Variants in MYO16 observed in about 807,000 individuals in gnomAD.
MYO16 encodes the protein myosin XVI, also known as unconventional myosin-XVI.
Under a neutral mutation model 205.3 loss-of-function variants are expected in MYO16, and 94 were observed. The ratio of observed to expected loss-of-function variants is 0.46; its 90% CI spans 0.39 to 0.54. MYO16 has a LOEUF of 0.54. Ranked by LOEUF, MYO16 falls within the 20% of genes least tolerant of loss-of-function variation. MYO16 has a pLI of 0.00. For synonymous variants in MYO16, 988 were observed against 954.0 expected (o/e 1.04, Z -0.66); for missense variants, 2,315 against 2,387.5 (o/e 0.97, Z 0.63).
At chr13:109,067,489 C>T (rs1244559201) in intron 27 of MYO16, among the ~76,000 whole-genome samples, 1 of 152,156 alleles carries the variant, frequency 6.6e-6, no homozygotes, top group Non-Finnish European at 1.5e-5. Flanking sequence ...GAGATTTGTA[C>T]TGATATTGGC....
the MYO16 span, among the ~76,000 whole-genome samples, chr13:108,589,300 C>A: frequency 6.6e-6 from 1 of 152,096 alleles, no homozygotes; most frequent in African/African-American, 2.4e-5. Context: ...TCATTGTTAA[C>A]CTGATTGCTG....
At chr13:109,084,436 T>A (rs1888376317) in intron 27 of MYO16, among the ~76,000 whole-genome samples, 1 of 152,108 alleles carries the variant, frequency 6.6e-6, no homozygotes, top group African/African-American at 2.4e-5. Flanking sequence ...TTTAATATAA[T>A]TAGAAATGAA....
At chr13:108,990,042 C>T (rs1381566339) in intron 20 of MYO16, among the ~76,000 whole-genome samples, 1 of 151,852 alleles carries the variant, frequency 6.6e-6, no homozygotes, top group African/African-American at 2.4e-5. Flanking sequence ...AGTTAACCAA[C>T]CCAAAAGTAT....
intron 2 of MYO16, among the ~76,000 whole-genome samples, chr13:108,699,167 TA>T (rs1476482567): frequency 2.6e-5 from 3 of 115,238 alleles, no homozygotes; most frequent in African/African-American, 9.3e-5. Flanking sequence ...ATGTATACCA[TA>T]TATACTATAT....
At chr13:109,002,067 C>A (rs1482638102) in intron 21 of MYO16, among the ~76,000 whole-genome samples, 1 of 152,170 alleles carries the variant, frequency 6.6e-6, no homozygotes, top group Non-Finnish European at 1.5e-5. Flanking sequence ...ACCATGTCTA[C>A]CCATTAGAAT....
chr13:108,745,868 C>G (rs7335470), intron 4 of MYO16, among the ~76,000 whole-genome samples: 4,943 of 152,158 alleles, frequency 0.032, 255 homozygotes, highest in African/African-American at 0.11. Context: ...CAAAGGAACT[C>G]TATAAATCAA....
At chr13:108,506,729 G>A in the MYO16 span, among the ~76,000 whole-genome samples, 1 of 152,152 alleles carries the variant, frequency 6.6e-6, no homozygotes, top group African/African-American at 2.4e-5. Context: ...TTGAATAGAA[G>A]TGGCAAGAGT....
chr13:108,798,063 G>A (rs1886844980), intron 6 of MYO16, among the ~76,000 whole-genome samples: 1 of 125,862 alleles, frequency 7.9e-6, no homozygotes, highest in African/African-American at 3.1e-5. Flanking sequence ...ATGAACAAAA[G>A]GCTAGGATGC....
chr13:109,014,130 A>T (rs572433608), intron 22 of MYO16, among the ~76,000 whole-genome samples: 53 of 152,266 alleles, frequency 3.5e-4, no homozygotes, highest in African/African-American at 1.3e-3. Context: ...ATCCATCTTG[A>T]ATTAAATTTT....
At chr13:109,089,863 C>T (rs1050914690) in intron 27 of MYO16, among the ~76,000 whole-genome samples, 13 of 152,112 alleles carry the variant, frequency 8.5e-5, no homozygotes, top group South Asian at 2.1e-4. Context: ...TTTTCCCTCA[C>T]GCTCCATTTT....
intron 28 of MYO16, among the ~76,000 whole-genome samples, chr13:109,104,830 C>T (rs969254394): frequency 2.6e-5 from 4 of 152,148 alleles, no homozygotes; most frequent in Admixed American, 6.5e-5. Flanking sequence ...CAATTCTCAG[C>T]GAGACATTCC....
intron 20 of MYO16, among the ~76,000 whole-genome samples, chr13:108,969,851 A>T (rs1234360561): frequency 1.3e-5 from 2 of 152,210 alleles, no homozygotes; most frequent in East Asian, 3.9e-4. Context: ...GATTTAGAGC[A>T]TCATCTTAAG....
intron 19 of MYO16, among the ~76,000 whole-genome samples, chr13:108,963,440 A>G (rs1883663714): frequency 6.6e-6 from 1 of 152,156 alleles, no homozygotes; most frequent in South Asian, 2.1e-4. Context: ...CACGCCATAA[A>G]TATCTCCCAT....
At chr13:108,504,776 C>G in the MYO16 span, among the ~76,000 whole-genome samples, 1 of 151,926 alleles carries the variant, frequency 6.6e-6, no homozygotes, top group Non-Finnish European at 1.5e-5. Context: ...ACCTTGTGAT[C>G]CACCCACCTC....
intron 14 of MYO16, among the ~76,000 whole-genome samples, chr13:108,896,058 C>T (rs1005435256): frequency 6.6e-6 from 1 of 152,214 alleles, no homozygotes; most frequent in East Asian, 1.9e-4. Flanking sequence ...AGCTCCTTCT[C>T]ACTCCCAGGC....
At chr13:108,996,518 G>A (rs1885007986) in intron 21 of MYO16, among the ~76,000 whole-genome samples, 1 of 152,100 alleles carries the variant, frequency 6.6e-6, no homozygotes, top group Admixed American at 6.5e-5. Flanking sequence ...TAAAAAATGT[G>A]TTTCTCTAAG....
chr13:109,034,750 A>G (rs764695515), intron 23 of MYO16, among the ~76,000 whole-genome samples: 1 of 152,214 alleles, frequency 6.6e-6, no homozygotes, highest in Non-Finnish European at 1.5e-5. Context: ...ATAACCTTTG[A>G]TATTAGCCAT....
intron 23 of MYO16, among the ~76,000 whole-genome samples, chr13:109,023,378 A>G (rs1886183080): frequency 1.3e-5 from 1 of 75,090 alleles, no homozygotes; most frequent in Non-Finnish European, 2.3e-5. Context: ...ATATTTATAT[A>G]TTATACAGAT....
Position 109,140,590 on chromosome 13 carries a change from T to C in MYO16, c.4378T>C (p.Cys1460Arg), listed in dbSNP as rs1369683552. 1 of 1,526,220 alleles carries C rather than the reference T, an allele frequency of 6.6e-7. No individual in the cohort carries two copies. Among genetic ancestry groups the C allele is most frequent in the Non-Finnish European group, 8.7e-7 (1 of 1,143,202 alleles). 94.5% of individuals were successfully genotyped at this position (1,526,220 alleles called of 1,614,324 possible). ...GESVYEEMKCCLPDDGGPGAG... is the reference protein window; with the variant it reads ...GESVYEEMKCRLPDDGGPGAG... ...GTCCGTGTACGAGGAGATGAAGTGT[T>C]GCCTGCCCGACGACGGCGGCCCGGG... The change falls in exon 32 of 35, where the codon TGC becomes CGC. Residue 1460 changes from cysteine to arginine, a missense_variant. Physicochemically the swap from Cys to Arg is radical, Grantham distance 180 (BLOSUM62 -3). Coordinates refer to ENST00000457511, the MANE Select transcript of MYO16 (RefSeq NM_001198950.3). This position sits in a 1 kb window ranked among gnomAD's most constrained non-coding sequence, Gnocchi z 8.0.
Sources: gnomAD v4.1 joint callset for allele counts (sites outside exome capture counted in the v4.1 genomes callset) on GRCh38, gnomAD v4.1.1 for gene constraint, Gnocchi (gnomAD v3.1) non-coding constraint, MANE v1.5 for transcripts, NCBI Gene and HGNC (gene_info 2026-07-23, HGNC 2026-07-21) for gene names.